Variants in SLC44A5 observed in about 807,000 individuals in gnomAD.
SLC44A5 encodes the protein choline transporter-like protein 5.
A neutral mutation model predicts 101.8 loss-of-function variants in SLC44A5; 57 were observed. The ratio of observed to expected loss-of-function variants is 0.56; its 90% CI spans 0.45 to 0.70. SLC44A5 has a LOEUF of 0.70. SLC44A5 is among the 30% of genes least tolerant of loss of function. The pLI is 0.00. For synonymous variants in SLC44A5, 281 were observed against 290.9 expected (o/e 0.97, Z 0.35); for missense variants, 737 against 853.1 (o/e 0.86, Z 1.70).
At chr1:75,460,151 A>T (rs996395604) in intron 2 of SLC44A5, among the ~76,000 whole-genome samples, 2 of 152,228 alleles carry the variant, frequency 1.3e-5, no homozygotes, top group Admixed American at 1.3e-4. Flanking sequence ...CTCCACATGA[A>T]TGAGCTCTGC....
At chr1:75,262,393 G>A (rs368859860) in intron 6 of SLC44A5, among the ~76,000 whole-genome samples, 4 of 152,062 alleles carry the variant, frequency 2.6e-5, no homozygotes, top group Non-Finnish European at 4.4e-5. Flanking sequence ...TTGCTACAAA[G>A]AGAATAAAAT....
chr1:75,704,588 G>A, the SLC44A5 span, among the ~76,000 whole-genome samples: 2 of 152,078 alleles, frequency 1.3e-5, no homozygotes, highest in Admixed American at 6.6e-5. Context: ...TTTCAATGCT[G>A]TTGTGAATAA....
At chr1:75,408,796 A>G (rs1357763279) in intron 2 of SLC44A5, among the ~76,000 whole-genome samples, 1 of 152,138 alleles carries the variant, frequency 6.6e-6, no homozygotes, top group Admixed American at 6.6e-5. Flanking sequence ...ACCATGGCAC[A>G]TGTATACCTA....
chr1:75,422,404 T>G (rs992303690), intron 2 of SLC44A5, among the ~76,000 whole-genome samples: 5 of 152,202 alleles, frequency 3.3e-5, no homozygotes, highest in Non-Finnish European at 7.3e-5. Context: ...AAGTCCGCAG[T>G]GAATAATTGG....
chr1:75,636,764 G>A, the SLC44A5 span, among the ~76,000 whole-genome samples: 4,888 of 152,188 alleles, frequency 0.032, 278 homozygotes, highest in African/African-American at 0.11. Flanking sequence ...GACAGTTTAT[G>A]AGTAGGAATG....
chr1:75,457,780 C>T (rs1203858216), intron 2 of SLC44A5, among the ~76,000 whole-genome samples: 1 of 152,058 alleles, frequency 6.6e-6, no homozygotes, highest in African/African-American at 2.4e-5. Flanking sequence ...TAGCTTGAAC[C>T]CGCGAGGCGG....
chr1:75,271,299 T>C (rs891324922), intron 6 of SLC44A5, among the ~76,000 whole-genome samples: 17 of 152,122 alleles, frequency 1.1e-4, no homozygotes, highest in Non-Finnish European at 2.2e-4. Flanking sequence ...AAATTATTTT[T>C]AAAAATGTTA....
chr1:75,258,260 C>A (rs1650183947), intron 6 of SLC44A5, among the ~76,000 whole-genome samples: 1 of 152,234 alleles, frequency 6.6e-6, no homozygotes, highest in African/African-American at 2.4e-5. Context: ...GTTCCCACAA[C>A]CACGGAGACC....
At chr1:75,290,167 T>G (rs1459727726) in intron 5 of SLC44A5, among the ~76,000 whole-genome samples, 3 of 152,162 alleles carry the variant, frequency 2.0e-5, no homozygotes, top group Non-Finnish European at 4.4e-5. Flanking sequence ...TCAGCATAGA[T>G]GACCAACACT....
rs529805232 is a variant in SLC44A5 at position 75,480,425 on chromosome 1, A to G, written c.13+61010T>C. On this transcript the variant is annotated intron_variant, in intron 2 of 23. Transcript: ENST00000370859. ...CAGGGCAATTAGGCAGGAGAAGGAA[A>G]TAAAGGGTATTCGATTAGGAAAAGA... 3.7e-4 allele frequency among the ~76,000 whole-genome samples: 56 copies of G among 152,340 alleles called. 1 individual carries two copies. The South Asian group carries it at 0.011, about 30-fold the overall frequency.
chr1:75,206,746 A>G, intron 23 of SLC44A5: 1 of 1,282,048 alleles, frequency 7.8e-7, no homozygotes, highest in South Asian at 1.2e-5. Context: ...CAAAGCAGGC[A>G]AAAGCAGAAG....
chr1:75,635,154 AAAC>A, the SLC44A5 span, among the ~76,000 whole-genome samples: 2 of 151,546 alleles, frequency 1.3e-5, no homozygotes, highest in Admixed American at 1.3e-4. Context: ...AAAAGTCAGG[AAAC>A]AACAGGTGCT....
chr1:75,571,201 C>A (rs1459259973), intron 1 of SLC44A5, among the ~76,000 whole-genome samples: 1 of 151,948 alleles, frequency 6.6e-6, no homozygotes, highest in Non-Finnish European at 1.5e-5. Flanking sequence ...TATGAAAAAA[C>A]ATAGGTGAAT....
the SLC44A5 span, among the ~76,000 whole-genome samples, chr1:75,629,136 G>A: frequency 6.6e-6 from 1 of 152,148 alleles, no homozygotes; most frequent in Non-Finnish European, 1.5e-5. Context: ...CTCTAAGGGA[G>A]GGAAAGTGGA....
intron 1 of SLC44A5, among the ~76,000 whole-genome samples, chr1:75,578,362 A>C (rs1673491909): frequency 1.3e-5 from 2 of 152,200 alleles, no homozygotes; most frequent in African/African-American, 4.8e-5. Flanking sequence ...TTCTCTTGTC[A>C]TTCTCTTTAC....
At chr1:75,402,458 G>T in intron 2 of SLC44A5, 4 of 397,420 alleles carry the variant, frequency 1.0e-5, no homozygotes, top group South Asian at 7.3e-5. Flanking sequence ...GCAGAAGGCA[G>T]GTGATTTCTG....
chr1:75,362,884 T>G lies in SLC44A5; in HGVS notation c.53-23254A>C, dbSNP rs149199494. Among the ~76,000 whole-genome samples, 795 of 152,182 alleles carry G rather than the reference T, an allele frequency of 5.2e-3. 12 individuals carry two copies. Among genetic ancestry groups the G allele is most frequent in the African/African-American group, 0.018 (768 of 41,572 alleles). On this transcript the variant is annotated intron_variant, in intron 3 of 23. Coordinates refer to ENST00000370859, the MANE Select transcript of SLC44A5 (RefSeq NM_001130058.2). The stretch of plus-strand genomic sequence containing the variant: ...CAAGTCCAGTGTTTTCTTTTTGATG[T>G]TCTATCTAGATGATTTGTCCATTGT...
intron 7 of SLC44A5, among the ~76,000 whole-genome samples, chr1:75,247,268 A>C (rs1336736196): frequency 2.0e-5 from 3 of 152,006 alleles, no homozygotes; most frequent in African/African-American, 7.2e-5. Flanking sequence ...GAGAGAGAGA[A>C]ATCAAGGATA....
At chr1:75,690,766 G>A in the SLC44A5 span, among the ~76,000 whole-genome samples, 1 of 152,064 alleles carries the variant, frequency 6.6e-6, no homozygotes, top group Non-Finnish European at 1.5e-5. Context: ...AAAAATGTGT[G>A]GGACCATAGT....
Sources: allele counts gnomAD v4.1 joint callset (sites outside exome capture counted in the v4.1 genomes callset), GRCh38; gene constraint gnomAD v4.1.1; transcripts MANE v1.5; gene names NCBI Gene and HGNC (gene_info 2026-07-23, HGNC 2026-07-21).